SDK1: variants seen among roughly 807,000 people sequenced by gnomAD.
SDK1 encodes the protein sidekick cell adhesion molecule 1, also known as protein sidekick-1.
SDK1 carries 157 observed loss-of-function variants against 245.5 expected under a neutral mutation model. The ratio of observed to expected loss-of-function variants is 0.64; its 90% CI spans 0.56 to 0.73. The LOEUF (loss-of-function observed/expected upper bound fraction) is 0.73. Ranked by LOEUF, SDK1 falls within the 30% of genes least tolerant of loss-of-function variation. The probability of loss-of-function intolerance (pLI) is 0.00; values close to 1 mark genes in which losing one functional copy is unlikely to be tolerated. For synonymous variants in SDK1, 1,647 were observed against 1,278.5 expected, an observed-to-expected ratio of 1.29 and a Z score of -6.15; for missense variants, 3,583 against 3,002.3, an observed-to-expected ratio of 1.19 and a Z score of -4.52.
At chr7:3,954,999 C>T (rs1333832893) in intron 7 of SDK1, among the ~76,000 whole-genome samples, 1 of 152,034 alleles carries the variant, frequency 6.6e-6, no homozygotes, top group African/African-American at 2.4e-5. Flanking sequence ...ATGCCCCTTA[C>T]CTCTGACTGC....
At chr7:3,488,933 GTGTC>G (rs1277379515) in intron 1 of SDK1, among the ~76,000 whole-genome samples, 3 of 147,358 alleles carry the variant, frequency 2.0e-5, no homozygotes, top group African/African-American at 7.4e-5. Flanking sequence ...GTGTGTGTGT[GTGTC>G]ATTCACAGAA....
chr7:4,139,339 C>G (rs1195919852), intron 28 of SDK1, among the ~76,000 whole-genome samples: 1 of 151,644 alleles, frequency 6.6e-6, no homozygotes, highest in African/African-American at 2.4e-5. Context: ...AAAGAAGCAT[C>G]TATCTATCTG....
At chr7:3,544,941 A>G (rs1001313739) in intron 1 of SDK1, among the ~76,000 whole-genome samples, 1 of 152,086 alleles carries the variant, frequency 6.6e-6, no homozygotes, top group Non-Finnish European at 1.5e-5. Context: ...ATTTGTATAA[A>G]ACTCACGGAC....
At chr7:3,342,960 T>A (rs1780387294) in intron 1 of SDK1, among the ~76,000 whole-genome samples, 2 of 136,438 alleles carry the variant, frequency 1.5e-5, no homozygotes, top group East Asian at 2.2e-4. Context: ...ATTAGGGAAA[T>A]GGAAATTAAA....
At chr7:3,839,001 G>C (rs2115085048) in intron 5 of SDK1, among the ~76,000 whole-genome samples, 1 of 152,266 alleles carries the variant, frequency 6.6e-6, no homozygotes, top group East Asian at 1.9e-4. Flanking sequence ...AATAGATGGT[G>C]TTCATCTAGA....
intron 1 of SDK1, among the ~76,000 whole-genome samples, chr7:3,335,420 C>CTTT (rs5881977): frequency 6.9e-6 from 1 of 145,516 alleles, no homozygotes; most frequent in Non-Finnish European, 1.5e-5. Context: ...TGGTACTTAT[C>CTTT]TTTTTTTTTT....
At chr7:3,975,211 T>G (rs1782821030) in intron 13 of SDK1, among the ~76,000 whole-genome samples, 1 of 152,250 alleles carries the variant, frequency 6.6e-6, no homozygotes, top group Non-Finnish European at 1.5e-5. Context: ...TTTATTTTTC[T>G]GACATGTATT....
At chr7:3,723,481 T>C (rs1399546943) in intron 4 of SDK1, among the ~76,000 whole-genome samples, 3 of 152,238 alleles carry the variant, frequency 2.0e-5, no homozygotes, top group Non-Finnish European at 4.4e-5. Flanking sequence ...CTTCAGTTTT[T>C]CTTTATTCAC....
chr7:3,437,392 T>A (rs1780060011), intron 1 of SDK1, among the ~76,000 whole-genome samples: 1 of 152,188 alleles, frequency 6.6e-6, no homozygotes, highest in African/African-American at 2.4e-5. Flanking sequence ...CACTAATGTT[T>A]TGCAGTGTGT....
chr7:3,401,339 C>T (rs550520994), intron 1 of SDK1, among the ~76,000 whole-genome samples: 16 of 152,238 alleles, frequency 1.1e-4, no homozygotes, highest in African/African-American at 3.6e-4. Context: ...GAAGTTTAAA[C>T]AATTACAATT....
chr7:3,554,198 A>G, intron 1 of SDK1, among the ~76,000 whole-genome samples: 1 of 152,204 alleles, frequency 6.6e-6, no homozygotes, highest in East Asian at 1.9e-4. Flanking sequence ...AAGACGGCGC[A>G]CATCCTGGGC....
chr7:4,264,300 C>T (rs1298592381), intron 44 of SDK1, among the ~76,000 whole-genome samples: 2 of 120,136 alleles, frequency 1.7e-5, no homozygotes, highest in African/African-American at 6.7e-5. Context: ...GTGGGGAGGC[C>T]GTGTAGACCT....
At position 3,652,061 on chromosome 7, in the gene SDK1, C is replaced by T. The variant is rs566449167; in HGVS notation, c.713+9956C>T. ...ATGCAGGGTTAGAAATATTGGCCTC[C>T]GTTTTATGTTCTCTAGTTAGGAAAT... On this transcript the variant is annotated intron_variant, in intron 4 of 44. Transcript: ENST00000404826. Among the ~76,000 whole-genome samples the T allele has an allele frequency of 2.4e-4, 36 of 152,114 alleles. 1 individual carries two copies. In the South Asian group the frequency reaches 2.7e-3, roughly 11 times the overall value.
rs116585175 is a variant in SDK1 at position 3,696,975 on chromosome 7, G to A, written c.713+54870G>A. ...TTCATCTTGTTTATGGAATGGTAGTGCGAAATAGAACTTGTATTTTAGAAA... is the reference window on the plus strand; with the variant it reads ...TTCATCTTGTTTATGGAATGGTAGTACGAAATAGAACTTGTATTTTAGAAA... On this transcript the variant is annotated intron_variant, in intron 4 of 44. Coordinates refer to ENST00000404826, the MANE Select transcript of SDK1 (RefSeq NM_152744.4). Among the ~76,000 whole-genome samples the A allele has an allele frequency of 5.0e-3, 761 of 151,866 alleles. 6 individuals carry two copies. Among genetic ancestry groups the A allele is most frequent in the African/African-American group, 0.017 (712 of 41,436 alleles).
intron 5 of SDK1, among the ~76,000 whole-genome samples, chr7:3,840,833 G>C (rs1390547810): frequency 6.6e-6 from 1 of 152,212 alleles, no homozygotes; most frequent in Non-Finnish European, 1.5e-5. Context: ...ACCCATGCCA[G>C]ACCTAGGGAT....
intron 32 of SDK1, among the ~76,000 whole-genome samples, chr7:4,169,407 G>A (rs912699673): frequency 9.2e-5 from 14 of 152,098 alleles, no homozygotes; most frequent in Admixed American, 1.3e-4. Context: ...CCTCGCTCCC[G>A]TCTAGTGGGG....
chr7:4,230,055 G>C (rs1785651620), intron 40 of SDK1, among the ~76,000 whole-genome samples: 1 of 140,868 alleles, frequency 7.1e-6, no homozygotes, highest in Admixed American at 7.2e-5. Context: ...AAGGAAGGAA[G>C]GAAGGAAGGA....
chr7:4,233,126 T>A (rs1048773610), intron 40 of SDK1, 129 bp from the exon 41 acceptor site: 13 of 792,806 alleles, frequency 1.6e-5, no homozygotes, highest in African/African-American at 3.4e-5. Flanking sequence ...CAGCACTCAC[T>A]CCGCATCCAG....
intron 1 of SDK1, among the ~76,000 whole-genome samples, chr7:3,584,417 T>C (rs957346022): frequency 6.6e-6 from 1 of 152,152 alleles, no homozygotes; most frequent in African/African-American, 2.4e-5. Context: ...GATTGAGCTT[T>C]CACTTCGTTT....
Sources: allele counts gnomAD v4.1 joint callset (sites outside exome capture counted in the v4.1 genomes callset), GRCh38; gene constraint gnomAD v4.1.1; transcripts MANE v1.5; gene names NCBI Gene and HGNC (gene_info 2026-07-23, HGNC 2026-07-21).